The following SLC4A1AP variants were observed in gnomAD, a reference collection of about 807,000 sequenced individuals.
The protein encoded by SLC4A1AP is kanadaptin.
A neutral mutation model predicts 89.7 loss-of-function variants in SLC4A1AP; 64 were observed. That is an observed-to-expected ratio of 0.71 (90% CI 0.58 to 0.88). The LOEUF is 0.88. SLC4A1AP is among the 40% of genes least tolerant of loss of function. The probability of loss-of-function intolerance (pLI) is 0.00; values close to 1 mark genes in which losing one functional copy is unlikely to be tolerated. For synonymous variants in SLC4A1AP, 366 were observed against 353.3 expected (o/e 1.04, Z -0.40); for missense variants, 931 against 965.0 (o/e 0.96, Z 0.47).
chr2:27,682,992 A>G (rs1475266879), intron 9 of SLC4A1AP, among the ~76,000 whole-genome samples: 1 of 152,212 alleles, frequency 6.6e-6, no homozygotes. Flanking sequence ...CCCCAGGTGG[A>G]TAGATGTAGT....
chr2:27,677,243 AAC>A (rs1354674052), intron 6 of SLC4A1AP, 50 bp from the exon 7 acceptor site: 15 of 1,175,814 alleles, frequency 1.3e-5, no homozygotes, highest in Non-Finnish European at 1.9e-5. Flanking sequence ...GAGGATGAAA[AAC>A]AGTTTGAAAG....
At chr2:27,680,027 C>T (rs1675594285) in intron 8 of SLC4A1AP, among the ~76,000 whole-genome samples, 2 of 152,114 alleles carry the variant, frequency 1.3e-5, no homozygotes. Flanking sequence ...CCTGTCCCCC[C>T]AACCCTTCAT....
chr2:27,667,279 G>A (rs1158978157), exon 3 of SLC4A1AP: 14 of 1,611,656 alleles, frequency 8.7e-6, no homozygotes, highest in African/African-American at 1.3e-5. Context: ...AGAAGATGCA[G>A]TAGAGGATGA....
At position 27,680,340 on chromosome 2, in the gene SLC4A1AP, A is replaced by G. The variant is rs368115622; in HGVS notation, c.1764-1908A>G. ...TGAATATACTTTCTATTCTATTCAG[A>G]TATACTGAATTTGAAAAGAAAATCC... is the stretch of plus-strand genomic sequence containing the variant. On this transcript the variant is annotated intron_variant, in intron 8 of 13. Coordinates refer to ENST00000613058, the Ensembl canonical transcript of SLC4A1AP. Among the ~76,000 whole-genome samples the G allele has an allele frequency of 1.3e-3, 195 of 152,276 alleles. 1 individual carries two copies. The highest frequency in any genetic ancestry group is 4.3e-3 in the African/African-American group (178 of 41,542).
exon 1 of SLC4A1AP, chr2:27,663,998 C>G: frequency 6.2e-7 from 1 of 1,614,198 alleles, no homozygotes; most frequent in Non-Finnish European, 8.5e-7. Context: ...TGCCGGTGTC[C>G]CCAGCGGCGC....
In SLC4A1AP at chr2:27,687,410, C is replaced by CT. The variant is rs534392825; in HGVS notation, c.2117-523dup. Among the ~76,000 whole-genome samples the CT allele has an allele frequency of 3.3e-5, 5 of 151,750 alleles. No homozygotes were observed. The South Asian group carries it at 8.3e-4, about 25-fold the overall frequency. On this transcript the variant is annotated intron_variant, in intron 10 of 13. Coordinates refer to ENST00000613058, the Ensembl canonical transcript of SLC4A1AP. ...CCAGCCTGGACAAGATAGTGAAACT[C>CT]TATCTCTACAAAAAATTAAAAAAAA...
chr2:27,681,256 T>C (rs1393818151), intron 8 of SLC4A1AP, among the ~76,000 whole-genome samples: 3 of 152,330 alleles, frequency 2.0e-5, no homozygotes, highest in East Asian at 3.9e-4. Flanking sequence ...AGCATTCTTC[T>C]GGTGGCCTTA....
chr2:27,679,518 C>T (rs1364855229), intron 8 of SLC4A1AP, among the ~76,000 whole-genome samples: 2 of 152,062 alleles, frequency 1.3e-5, no homozygotes, highest in East Asian at 1.9e-4. Flanking sequence ...AGGAGAATGG[C>T]GTGAACCAGG....
chr2:27,676,154 G>A (rs1041960840), intron 6 of SLC4A1AP, among the ~76,000 whole-genome samples: 2 of 152,070 alleles, frequency 1.3e-5, no homozygotes, highest in African/African-American at 4.8e-5. Context: ...ATAATAGGCA[G>A]GTAATAGGCT....
exon 3 of SLC4A1AP, chr2:27,667,284 G>C: frequency 6.2e-7 from 1 of 1,612,306 alleles, no homozygotes; most frequent in South Asian, 1.1e-5. Context: ...ATGCAGTAGA[G>C]GATGATGCTG....
exon 10 of SLC4A1AP, chr2:27,685,160 A>G: frequency 6.2e-7 from 1 of 1,614,192 alleles, no homozygotes; most frequent in Non-Finnish European, 8.5e-7. Flanking sequence ...GCATGAAAAG[A>G]AAAAACTGGA....
intron 12 of SLC4A1AP, among the ~76,000 whole-genome samples, chr2:27,689,883 A>T (rs984277942): frequency 1.3e-5 from 2 of 152,234 alleles, no homozygotes; most frequent in Admixed American, 1.3e-4. Context: ...AACCTTGGCC[A>T]AAAGGTAAAT....
chr2:27,673,421 TCCCTCCC>T (rs1675461043), intron 5 of SLC4A1AP, among the ~76,000 whole-genome samples: 1 of 40,164 alleles, frequency 2.5e-5, no homozygotes, highest in Non-Finnish European at 4.5e-5. Flanking sequence ...CCTCCCTCCC[TCCCTCCC>T]TCCCTCCCTC....
intron 5 of SLC4A1AP, among the ~76,000 whole-genome samples, chr2:27,671,740 A>G (rs986706947): frequency 2.6e-5 from 4 of 152,216 alleles, no homozygotes; most frequent in East Asian, 1.9e-4. Context: ...CTTTTAGCAG[A>G]TTAAAAAGCT....
rs1675729687 is a variant in SLC4A1AP at position 27,687,931 on chromosome 2, T to C, written c.2117-3T>C. On this transcript the variant is annotated splice_polypyrimidine_tract_variant and splice_region_variant and intron_variant, in intron 10 of 13. Coordinates refer to ENST00000613058, the Ensembl canonical transcript of SLC4A1AP. ...CAATATGATTTGATATTGCTTTTTA[T>C]AGAAAACATGTCTCAACTTAGCGAG... The C allele has an allele frequency of 6.2e-7, 1 of 1,610,058 alleles. No homozygotes were observed. Among genetic ancestry groups the C allele is most frequent in the African/African-American group, 1.3e-5 (1 of 74,806 alleles).
chr2:27,672,852 A>C (rs1400395955), intron 5 of SLC4A1AP, among the ~76,000 whole-genome samples: 1 of 152,184 alleles, frequency 6.6e-6, no homozygotes, highest in African/African-American at 2.4e-5. Context: ...GTGCTCTTCC[A>C]ATCTCCTGCC....
At chr2:27,694,063 T>C (rs1355083281) in intron 13 of SLC4A1AP, among the ~76,000 whole-genome samples, 1 of 152,212 alleles carries the variant, frequency 6.6e-6, no homozygotes, top group South Asian at 2.1e-4. Flanking sequence ...CGGAAGTGTT[T>C]ACAGGTGTAA....
intron 2 of SLC4A1AP, among the ~76,000 whole-genome samples, chr2:27,666,043 T>C (rs1675312770): frequency 6.6e-6 from 1 of 152,184 alleles, no homozygotes; most frequent in African/African-American, 2.4e-5. Flanking sequence ...TAGTTGCAAT[T>C]GATGTGTGCT....
At chr2:27,667,388 A>G (rs2148130808) in exon 3 of SLC4A1AP, 1 of 1,612,040 alleles carries the variant, frequency 6.2e-7, no homozygotes, top group Middle Eastern at 1.7e-4. Context: ...TTTGACCGAG[A>G]AGGTATGTAA....
Sources: gnomAD v4.1 joint callset for allele counts (sites outside exome capture counted in the v4.1 genomes callset) on GRCh38, gnomAD v4.1.1 for gene constraint, MANE v1.5 for transcripts, NCBI Gene and HGNC (gene_info 2026-07-23, HGNC 2026-07-21) for gene names.